ZNRF4: variants seen among roughly 807,000 people sequenced by gnomAD.
ZNRF4 encodes the protein E3 ubiquitin-protein ligase ZNRF4.
For missense variants in ZNRF4, 569 were observed against 609.4 expected, an observed-to-expected ratio of 0.93 and a Z score of 0.70; for synonymous variants, 291 against 285.9, an observed-to-expected ratio of 1.02 and a Z score of -0.18.
rs1318794091 is a variant in ZNRF4 at position 5,455,555 on chromosome 19, C to T, written c.64C>T (p.Leu22=). The T allele has an allele frequency of 1.2e-6, 2 of 1,612,944 alleles. No homozygotes were observed. The highest frequency in any genetic ancestry group is 2.2e-5 in the East Asian group (1 of 44,880). The change falls in exon 1 of 1, where the codon CTG becomes TTG. Residue 22 remains leucine, a synonymous_variant. Transcript: ENST00000222033. ...CAGCAGGGTCCCAGTGGCCGCGTCA[C>T]TGCCTCTGAGCCACGCGGTCATTCC... The part of the protein sequence containing the change: ...RASRVPVAAS[L]PLSHAVIPTQ...
rs754757067 is a variant in ZNRF4, at chr19:5,455,598, G to A, written c.107G>A (p.Arg36His). The change falls in exon 1 of 1, where the codon CGT becomes CAT. Residue 36 changes from arginine to histidine, a missense_variant. Arg to His is a conservative substitution (Grantham distance 29, BLOSUM62 0). Transcript: ENST00000222033. ...GTCATTCCAACTCAACTGCCCTCGC[G>A]TCCTGGCCACAGGCCCCCTGGGAGA... ...HAVIPTQLPS[R>H]PGHRPPGRPR... is the part of the protein sequence containing the mutation. 16 of 1,611,962 alleles carry A rather than the reference G, an allele frequency of 9.9e-6. No homozygotes were observed. The South Asian group carries it at 1.1e-4, about 11-fold the overall frequency.
At position 5,455,686 on chromosome 19, in the gene ZNRF4, A is replaced by G; in HGVS notation, c.195A>G (p.Thr65=). The G allele has an allele frequency of 6.2e-7, 1 of 1,609,330 alleles. No individual in the cohort carries two copies. The highest frequency in any genetic ancestry group is 8.5e-7 in the Non-Finnish European group (1 of 1,179,920). The change falls in exon 1 of 1, where the codon ACA becomes ACG. Residue 65 remains threonine, a synonymous_variant. Coordinates refer to ENST00000222033, the MANE Select transcript of ZNRF4 (RefSeq NM_181710.4). ...CAGTGGGACCTAGCAGCACACAGAC[A>G]GCGAAGCGGGTGACCATGGGGTGGC... The part of the protein sequence containing the change: ...PPPVGPSSTQ[T]AKRVTMGWPR...
rs199777438 is a variant in ZNRF4 at position 5,456,192 on chromosome 19, C to T, written c.701C>T (p.Ala234Val). 372 of 1,609,242 alleles carry T rather than the reference C, an allele frequency of 2.3e-4. No homozygotes were observed. Among genetic ancestry groups the T allele is most frequent in the Admixed American group, 4.8e-4 (29 of 60,002 alleles). ...CTGGGCTGCAACAAGTCGGCCCACGCGCTGCTCCTGCCCGACGACCCACCG... is the reference window on the plus strand; with the variant it reads ...CTGGGCTGCAACAAGTCGGCCCACGTGCTGCTCCTGCCCGACGACCCACCG... The part of the protein sequence containing the change: ...VILGCNKSAH[A>V]LLLPDDPPCH... Residue 234 changes from alanine to valine, a missense_variant, in exon 1 of 1, where the codon GCG (alanine) becomes GTG (valine). Transcript: ENST00000222033.
rs369224291 is a variant in ZNRF4 at position 5,455,509 on chromosome 19, G to A, written c.18G>A (p.Pro6=). The change falls in exon 1 of 1, where the codon CCG becomes CCA. Residue 6 remains proline, a synonymous_variant. Transcript: ENST00000222033. MPLCR[P]EHLMPRASRV... is the part of the protein sequence containing the mutation. Reference sequence around the variant, plus strand: ...CACGACGCATGCCGCTCTGCCGTCCGGAGCACTTAATGCCTAGAGCCAGCA... The same window carrying A: ...CACGACGCATGCCGCTCTGCCGTCCAGAGCACTTAATGCCTAGAGCCAGCA... The A allele has an allele frequency of 3.6e-5, 58 of 1,609,852 alleles. No homozygotes were observed. The highest frequency in any genetic ancestry group is 1.2e-4 in the Admixed American group (7 of 59,788).
chr19:5,455,761 G>A lies in ZNRF4; in HGVS notation c.270G>A (p.Ser90=), dbSNP rs1357193033. The A allele has an allele frequency of 8.1e-6, 13 of 1,604,608 alleles. No homozygotes were observed. Among genetic ancestry groups the A allele is most frequent in the Middle Eastern group, 1.6e-4 (1 of 6,062 alleles). Residue 90 remains serine (S), a synonymous_variant, in exon 1 of 1, where the codon TCG becomes TCA. Transcript: ENST00000222033. ...CAGTCAAAGCCTTGCTGGTCTTGTC[G>A]CTGCTCCAGGTGCCCGCGCAGGCAG... ...LVAVKALLVL[S]LLQVPAQAVV... is the part of the protein sequence containing the mutation.
Position 5,456,211 on chromosome 19 carries a change from C to A in ZNRF4, c.720C>A (p.Asp240Glu). Residue 240 changes from aspartate (D) to glutamate (E), a missense_variant, in exon 1 of 1, where the codon GAC (aspartate) becomes GAA (glutamate). Coordinates refer to ENST00000222033, the MANE Select transcript of ZNRF4 (RefSeq NM_181710.4). ...CCCACGCGCTGCTCCTGCCCGACGA[C>A]CCACCGTGCCACGACCTGGGCTGTC... ...KSAHALLLPD[D>E]PPCHDLGCHP... is the part of the protein sequence containing the mutation. 2 of 1,610,930 alleles carry A rather than the reference C, an allele frequency of 1.2e-6. No homozygotes were observed.
chr19:5,456,143 G>A lies in ZNRF4; in HGVS notation c.652G>A (p.Ala218Thr), dbSNP rs754053929. ...AIPSVFVSEA[A>T]SQDLRVILGC... Reference sequence around the variant, plus strand: ...CCCCTCAGTGTTCGTGAGCGAGGCCGCCTCGCAGGACCTGCGGGTCATCCT... The same window carrying A: ...CCCCTCAGTGTTCGTGAGCGAGGCCACCTCGCAGGACCTGCGGGTCATCCT... Residue 218 changes from alanine to threonine, a missense_variant, in exon 1 of 1, where the codon GCC becomes ACC. Coordinates refer to ENST00000222033, the MANE Select transcript of ZNRF4 (RefSeq NM_181710.4). 24 of 1,606,940 alleles carry A rather than the reference G, an allele frequency of 1.5e-5. No individual in the cohort carries two copies. Among genetic ancestry groups the A allele is most frequent in the Middle Eastern group, 1.6e-4 (1 of 6,082 alleles).
chr19:5,455,746 C>T lies in ZNRF4; in HGVS notation c.255C>T (p.Ala85=), dbSNP rs1600212859. Residue 85 remains alanine (A), a synonymous_variant, in exon 1 of 1, where the codon GCC becomes GCT. Coordinates refer to ENST00000222033, the MANE Select transcript of ZNRF4 (RefSeq NM_181710.4). ...GCCGAGCCCTCGTGGCAGTCAAAGC[C>T]TTGCTGGTCTTGTCGCTGCTCCAGG... The part of the protein sequence containing the change: ...RPGRALVAVK[A]LLVLSLLQVP... 1 of 1,605,140 alleles carries T rather than the reference C, an allele frequency of 6.2e-7. No individual in the cohort carries two copies. The highest frequency in any genetic ancestry group is 8.5e-7 in the Non-Finnish European group (1 of 1,179,854).
rs528818650 is a variant in ZNRF4, at chr19:5,456,691, C to T, written c.1200C>T (p.Arg400=). 70 of 1,612,808 alleles carry T rather than the reference C, an allele frequency of 4.3e-5. No homozygotes were observed. In the East Asian group the frequency reaches 1.5e-3, roughly 35 times the overall value. ...LRSRRLELLG[R]ASPHCHCSTT... Reference sequence around the variant, plus strand: ...CCCGGAGGCTGGAGCTGCTGGGCCGCGCCAGTCCCCACTGCCACTGCAGCA... The same window carrying T: ...CCCGGAGGCTGGAGCTGCTGGGCCGTGCCAGTCCCCACTGCCACTGCAGCA... Residue 400 remains arginine (R), a synonymous_variant, in exon 1 of 1, where the codon CGC becomes CGT. Coordinates refer to ENST00000222033, the MANE Select transcript of ZNRF4 (RefSeq NM_181710.4).
Position 5,456,688 on chromosome 19 carries a change from C to T in ZNRF4, c.1197C>T (p.Gly399=). Reference sequence around the variant, plus strand: ...GCTCCCGGAGGCTGGAGCTGCTGGGCCGCGCCAGTCCCCACTGCCACTGCA... The same window carrying T: ...GCTCCCGGAGGCTGGAGCTGCTGGGTCGCGCCAGTCCCCACTGCCACTGCA... The part of the protein sequence containing the change: ...QLRSRRLELL[G]RASPHCHCST... Residue 399 remains glycine (G), a synonymous_variant, in exon 1 of 1, where the codon GGC becomes GGT. Coordinates refer to ENST00000222033, the MANE Select transcript of ZNRF4 (RefSeq NM_181710.4). The T allele has an allele frequency of 6.2e-7, 1 of 1,612,806 alleles. No homozygotes were observed. The highest frequency in any genetic ancestry group is 1.1e-5 in the South Asian group (1 of 90,998).
Position 5,455,952 on chromosome 19 carries a change from C to T in ZNRF4, c.461C>T (p.Ser154Phe), listed in dbSNP as rs1332714132. ...PIEAPRLGNR[S>F]LGAIVLIRRY... ...GAGGCCCCGCGACTGGGCAACCGCT[C>T]TCTGGGCGCCATCGTGCTGATCCGC... Residue 154 changes from serine (S) to phenylalanine (F), a missense_variant, in exon 1 of 1, where the codon TCT becomes TTT. Transcript: ENST00000222033. The T allele has an allele frequency of 6.2e-7, 1 of 1,600,814 alleles. No homozygotes were observed. The highest frequency in any genetic ancestry group is 8.5e-7 in the Non-Finnish European group (1 of 1,179,540).
chr19:5,456,262 G>T lies in ZNRF4; in HGVS notation c.771G>T (p.Val257=). The T allele has an allele frequency of 6.2e-7, 1 of 1,613,386 alleles. No homozygotes were observed. The highest frequency in any genetic ancestry group is 8.5e-7 in the Non-Finnish European group (1 of 1,180,034). Residue 257 remains valine, a synonymous_variant, in exon 1 of 1, where the codon GTG becomes GTT. Transcript: ENST00000222033. ...ACCCCGTGCTGACCGTGTCCTGGGT[G>T]CTGGGCTGTACCCTGGCCCTGGTCG... ...GCHPVLTVSW[V]LGCTLALVVS... is the part of the protein sequence containing the mutation.
rs570139494 is a variant in ZNRF4, at chr19:5,455,852, G to A, written c.361G>A (p.Gly121Ser). Residue 121 changes from glycine (G) to serine (S), a missense_variant, in exon 1 of 1, where the codon GGC becomes AGC. Gly to Ser is a moderately conservative substitution (Grantham distance 56, BLOSUM62 0). Transcript: ENST00000222033. ...CTTTGCGGATCTGCCGGCGCTGTTC[G>A]GCGTCCCCCTGGCCCCCGAGGGCAT... is the stretch of plus-strand genomic sequence containing the variant. ...VDFADLPALFGVPLAPEGIRG... is the reference protein window; with the variant it reads ...VDFADLPALFSVPLAPEGIRG... 11 of 1,603,838 alleles carry A rather than the reference G, an allele frequency of 6.9e-6. No individual in the cohort carries two copies. The highest frequency in any genetic ancestry group is 1.1e-5 in the South Asian group (1 of 91,050).
In ZNRF4 at chr19:5,456,710, T is replaced by C; in HGVS notation, c.1219T>C (p.Cys407Arg). The change falls in exon 1 of 1, where the codon TGC becomes CGC. Residue 407 changes from cysteine to arginine, a missense_variant. Coordinates refer to ENST00000222033, the MANE Select transcript of ZNRF4 (RefSeq NM_181710.4). ...LLGRASPHCH[C>R]STTSLEAEYT... The stretch of plus-strand genomic sequence containing the variant: ...GGGCCGCGCCAGTCCCCACTGCCAC[T>C]GCAGCACCACGTCCCTGGAGGCAGA... The C allele has an allele frequency of 6.2e-7, 1 of 1,610,586 alleles. No individual in the cohort carries two copies. The highest frequency in any genetic ancestry group is 8.5e-7 in the Non-Finnish European group (1 of 1,177,604).
In ZNRF4 at chr19:5,456,068, C is replaced by G; in HGVS notation, c.577C>G (p.Leu193Val). The G allele has an allele frequency of 6.2e-7, 1 of 1,604,998 alleles. No individual in the cohort carries two copies. The highest frequency in any genetic ancestry group is 1.7e-5 in the Admixed American group (1 of 60,036). Reference protein sequence around the residue: ...AIVHNVHSDDLVSMTHVYEDL... With the variant: ...AIVHNVHSDDVVSMTHVYEDL... Reference sequence around the variant, plus strand: ...CGTGCACAACGTCCACTCCGACGACCTCGTGAGCATGACCCACGTCTACGA... The same window carrying G: ...CGTGCACAACGTCCACTCCGACGACGTCGTGAGCATGACCCACGTCTACGA... Residue 193 changes from leucine (L) to valine (V), a missense_variant, in exon 1 of 1, where the codon CTC becomes GTC. By Grantham distance (32) the Leu-to-Val change is conservative. Transcript: ENST00000222033.
rs8107825 is a variant in ZNRF4, at chr19:5,455,967, T to C, written c.476T>C (p.Val159Ala). The change falls in exon 1 of 1, where the codon GTG becomes GCG. Residue 159 changes from valine to alanine, a missense_variant. Physicochemically the swap from Val to Ala is moderately conservative, Grantham distance 64 (BLOSUM62 0). Coordinates refer to ENST00000222033, the MANE Select transcript of ZNRF4 (RefSeq NM_181710.4). Reference protein sequence around the residue: ...RLGNRSLGAIVLIRRYDCTFD... With the variant: ...RLGNRSLGAIALIRRYDCTFD... ...GGCAACCGCTCTCTGGGCGCCATCGTGCTGATCCGCCGCTACGACTGCACC... is the reference window on the plus strand; with the variant it reads ...GGCAACCGCTCTCTGGGCGCCATCGCGCTGATCCGCCGCTACGACTGCACC... 813,089 of 1,599,412 alleles carry C rather than the reference T, an allele frequency of 0.51. 210,124 individuals are homozygous for C. The highest frequency in any genetic ancestry group is 0.78 in the East Asian group (34,730 of 44,776).
At position 5,455,472 on chromosome 19, in the gene ZNRF4, G is replaced by A. The variant is rs368904848; in HGVS notation, c.-20G>A. ...ACCTGCGCCAGCACCTCCTGAGACC[G>A]GCCTTCAAAGACACGACGCATGCCG... On this transcript the variant is annotated 5_prime_UTR_variant, in exon 1 of 1. Transcript: ENST00000222033. 2.2e-4 allele frequency: 341 copies of A among 1,573,964 alleles called. No individual in the cohort carries two copies. The highest frequency in any genetic ancestry group is 2.7e-4 in the Non-Finnish European group (310 of 1,159,240).
In ZNRF4 at chr19:5,455,974, C is replaced by A; in HGVS notation, c.483C>A (p.Ile161=). ...GNRSLGAIVL[I]RRYDCTFDLK... is the part of the protein sequence containing the mutation. ...GCTCTCTGGGCGCCATCGTGCTGATCCGCCGCTACGACTGCACCTTCGACC... is the reference window on the plus strand; with the variant it reads ...GCTCTCTGGGCGCCATCGTGCTGATACGCCGCTACGACTGCACCTTCGACC... Residue 161 remains isoleucine, a synonymous_variant, in exon 1 of 1, where the codon ATC becomes ATA. Coordinates refer to ENST00000222033, the MANE Select transcript of ZNRF4 (RefSeq NM_181710.4). The A allele has an allele frequency of 1.9e-6, 3 of 1,600,434 alleles. No homozygotes were observed. The highest frequency in any genetic ancestry group is 8.5e-7 in the Non-Finnish European group (1 of 1,179,658).
rs372028982 is a variant in ZNRF4 at position 5,456,159 on chromosome 19, G to A, written c.668G>A (p.Arg223Gln). The A allele has an allele frequency of 3.0e-5, 48 of 1,607,354 alleles. No individual in the cohort carries two copies. The highest frequency in any genetic ancestry group is 1.9e-4 in the South Asian group (17 of 91,070). The change falls in exon 1 of 1, where the codon CGG (arginine) becomes CAG (glutamine). Residue 223 changes from arginine to glutamine, a missense_variant. Physicochemically the swap from Arg to Gln is conservative, Grantham distance 43 (BLOSUM62 1). Coordinates refer to ENST00000222033, the MANE Select transcript of ZNRF4 (RefSeq NM_181710.4). ...FVSEAASQDL[R>Q]VILGCNKSAH... is the part of the protein sequence containing the mutation. ...AGCGAGGCCGCCTCGCAGGACCTGC[G>A]GGTCATCCTGGGCTGCAACAAGTCG...
Sources: allele counts gnomAD v4.1 joint callset, GRCh38; gene constraint gnomAD v4.1.1; transcripts MANE v1.5; gene names NCBI Gene and HGNC (gene_info 2026-07-23, HGNC 2026-07-21).